AOPEP: variants seen among roughly 807,000 people sequenced by gnomAD.
The protein encoded by AOPEP is aminopeptidase O (putative).
AOPEP carries 77 observed loss-of-function variants against 98.1 expected under a neutral mutation model. The ratio of observed to expected loss-of-function variants is 0.78; its 90% CI spans 0.65 to 0.95. AOPEP has a LOEUF of 0.95. AOPEP is among the 40% of genes least tolerant of loss of function. The pLI is 0.00. For missense variants in AOPEP, 1,024 were observed against 1,024.7 expected (o/e 1.00, Z 0.01); for synonymous variants, 346 against 365.3 (o/e 0.95, Z 0.60).
rs754135524 is a variant in AOPEP at position 94,792,810 on chromosome 9, C to T, written c.1010C>T (p.Ser337Phe). 2 of 1,613,594 alleles carry T rather than the reference C, an allele frequency of 1.2e-6. No individual in the cohort carries two copies. Among genetic ancestry groups the T allele is most frequent in the Non-Finnish European group, 1.7e-6 (2 of 1,179,666 alleles). ...YYYVTMPMPA[S>F]TFTIAVGCWT... The stretch of plus-strand genomic sequence containing the variant: ...TATGTAACTATGCCAATGCCAGCCT[C>T]CACCTTCACAATTGCAGTGGGATGC... Residue 337 changes from serine (S) to phenylalanine (F), a missense_variant, in exon 4 of 17, where the codon TCC becomes TTC. Coordinates refer to ENST00000375315, the MANE Select transcript of AOPEP (RefSeq NM_001193329.3).
At chr9:94,948,431 T>TTTTTTTTTTTTTGAGACGGAGTCTC (rs2057846509) in intron 7 of AOPEP, among the ~76,000 whole-genome samples, 1 of 151,158 alleles carries the variant, frequency 6.6e-6, no homozygotes. Flanking sequence ...TTCTAACTCT[T>TTTTTTTTTTTTTGAGACGGAGTCTC]GTAGTTCATC....
intron 5 of AOPEP, among the ~76,000 whole-genome samples, chr9:94,919,901 C>T (rs1404042344): frequency 6.6e-6 from 1 of 152,156 alleles, no homozygotes. Flanking sequence ...TATTGGGCTG[C>T]ACATGTTGAA....
intron 13 of AOPEP, 57 bp downstream of exon 13, chr9:95,005,673 G>A: frequency 1.5e-6 from 2 of 1,372,688 alleles, no homozygotes; most frequent in East Asian, 2.3e-5. Flanking sequence ...CTTCTGCCCC[G>A]TGAGGACCTG....
chr9:95,044,089 T>C (rs984394909), intron 13 of AOPEP, among the ~76,000 whole-genome samples: 4 of 152,196 alleles, frequency 2.6e-5, no homozygotes, highest in African/African-American at 7.2e-5. Context: ...AAAAGCACCA[T>C]CTGCATTTGC....
intron 13 of AOPEP, among the ~76,000 whole-genome samples, chr9:95,013,536 A>G (rs1222016701): frequency 6.6e-6 from 1 of 151,964 alleles, no homozygotes; most frequent in Non-Finnish European, 1.5e-5. Flanking sequence ...GCATATAGGC[A>G]TTACATACTA....
chr9:94,998,227 A>T (rs781245316), intron 11 of AOPEP, among the ~76,000 whole-genome samples: 1 of 151,520 alleles, frequency 6.6e-6, no homozygotes, highest in Non-Finnish European at 1.5e-5. Flanking sequence ...GATGTTCCGT[A>T]AGTACTCACG....
At chr9:94,971,323 TCTC>T in intron 10 of AOPEP, among the ~76,000 whole-genome samples, 1 of 152,228 alleles carries the variant, frequency 6.6e-6, no homozygotes, top group Non-Finnish European at 1.5e-5. Flanking sequence ...TTTAAAAAAA[TCTC>T]CTTAAAAGCT....
At chr9:94,968,629 G>A (rs970989869) in intron 10 of AOPEP, among the ~76,000 whole-genome samples, 2 of 151,992 alleles carry the variant, frequency 1.3e-5, no homozygotes, top group Non-Finnish European at 2.9e-5. Context: ...CACCCGCCTT[G>A]GCCTCCCAAA....
At chr9:94,777,008 A>G (rs1322870723) in intron 3 of AOPEP, among the ~76,000 whole-genome samples, 1 of 151,892 alleles carries the variant, frequency 6.6e-6, no homozygotes, top group East Asian at 1.9e-4. Flanking sequence ...ACTTATGAAC[A>G]ATCCTTGGCT....
chr9:95,010,128 G>A (rs1261465748), intron 13 of AOPEP, among the ~76,000 whole-genome samples: 2 of 151,890 alleles, frequency 1.3e-5, no homozygotes, highest in Admixed American at 6.6e-5. Context: ...ATTTTTTAGC[G>A]TTTATTGTTC....
At chr9:95,135,049 A>G in the AOPEP span, among the ~76,000 whole-genome samples, 2 of 152,140 alleles carry the variant, frequency 1.3e-5, no homozygotes, top group Non-Finnish European at 2.9e-5. Flanking sequence ...CTTATTTTCC[A>G]TGCTGAAATA....
At chr9:94,788,208 T>TCA (rs904197770) in intron 3 of AOPEP, among the ~76,000 whole-genome samples, 2 of 151,934 alleles carry the variant, frequency 1.3e-5, no homozygotes, top group African/African-American at 4.8e-5. Context: ...GTACGTGGGA[T>TCA]CACAGGCAGG....
intron 3 of AOPEP, among the ~76,000 whole-genome samples, chr9:94,790,889 C>T (rs1366998035): frequency 6.6e-6 from 1 of 151,870 alleles, no homozygotes; most frequent in East Asian, 2.0e-4. Context: ...CCAATTTGGT[C>T]AGTGATTGGA....
At chr9:95,029,580 G>A (rs531879676) in intron 13 of AOPEP, among the ~76,000 whole-genome samples, 2 of 152,294 alleles carry the variant, frequency 1.3e-5, no homozygotes, top group South Asian at 2.1e-4. Context: ...CCATGTGTTA[G>A]CAGCTCCTGT....
intron 2 of AOPEP, among the ~76,000 whole-genome samples, chr9:94,766,391 G>T (rs1316724242): frequency 6.6e-6 from 1 of 152,186 alleles, no homozygotes; most frequent in Non-Finnish European, 1.5e-5. Flanking sequence ...CAAAAAATTA[G>T]CCGGGCGTGG....
intron 5 of AOPEP, among the ~76,000 whole-genome samples, chr9:94,882,741 A>T (rs1300829345): frequency 1.3e-5 from 2 of 152,254 alleles, no homozygotes; most frequent in African/African-American, 2.4e-5. Context: ...GTGCCATTGC[A>T]TTCCAGCCTG....
chr9:95,102,315 C>T, the AOPEP span, among the ~76,000 whole-genome samples: 1 of 152,210 alleles, frequency 6.6e-6, no homozygotes, highest in South Asian at 2.1e-4. Flanking sequence ...CCTGGGCTAG[C>T]AACCGGACCT....
intron 7 of AOPEP, among the ~76,000 whole-genome samples, chr9:94,944,841 T>C (rs543569082): frequency 9.8e-5 from 15 of 152,326 alleles, no homozygotes; most frequent in Admixed American, 7.8e-4. Flanking sequence ...CATCAACTTA[T>C]GTGCAACTCA....
chr9:94,928,009 G>T (rs1468009812), intron 6 of AOPEP, among the ~76,000 whole-genome samples: 1 of 152,214 alleles, frequency 6.6e-6, no homozygotes, highest in African/African-American at 2.4e-5. Flanking sequence ...GCTGGAAACA[G>T]TCCTTAACAA....
Sources: allele counts gnomAD v4.1 joint callset (sites outside exome capture counted in the v4.1 genomes callset), GRCh38; gene constraint gnomAD v4.1.1; transcripts MANE v1.5; gene names NCBI Gene and HGNC (gene_info 2026-07-23, HGNC 2026-07-21).